FRY: variants seen among roughly 807,000 people sequenced by gnomAD.
FRY encodes FRY microtubule binding protein.
In FRY, 128 loss-of-function variants were observed where a neutral mutation model predicts 348.4. The ratio of observed to expected loss-of-function variants is 0.37; its 90% CI spans 0.32 to 0.43. The LOEUF is 0.43. Among genes scored for constraint, FRY ranks in the 20% least tolerant of loss-of-function variants. The pLI, the probability that FRY is intolerant of heterozygous loss-of-function variation, is 1.00. For missense variants in FRY, 2,736 were observed against 3,695.2 expected, an observed-to-expected ratio of 0.74 and a Z score of 6.73; for synonymous variants, 1,370 against 1,374.7, an observed-to-expected ratio of 1.00 and a Z score of 0.08.
In FRY at chr13:32,261,687, G is replaced by A. The variant is rs200280104; in HGVS notation, c.7488G>A (p.Met2496Ile). 3.1e-5 allele frequency: 50 copies of A among 1,614,010 alleles called. No individual in the cohort carries two copies. The African/African-American group carries it at 4.8e-4, about 16-fold the overall frequency. ...TGGACAGCCTGGATAAGTGTGATAT[G>A]CAGATTCTGGAGGAGCGCCAACTGT... ...RSLDSLDKCD[M>I]QILEERQLSG... Residue 2496 changes from methionine (M) to isoleucine (I), a missense_variant, in exon 52 of 61, where the codon ATG becomes ATA. Met to Ile is a conservative substitution (Grantham distance 10). This residue lies in a region of FRY where 789 missense variants were observed against 996.2 expected (regional missense o/e 0.79). Transcript: ENST00000542859.
At chr13:32,032,345 G>C (rs1872283239) in intron 1 of FRY, among the ~76,000 whole-genome samples, 1 of 152,176 alleles carries the variant, frequency 6.6e-6, no homozygotes, top group South Asian at 2.1e-4. Context: ...TCTGAAGAAA[G>C]AAAAGTATTT....
chr13:32,207,694 G>A (rs900656149), intron 31 of FRY, among the ~76,000 whole-genome samples: 2 of 152,136 alleles, frequency 1.3e-5, no homozygotes, highest in African/African-American at 2.4e-5. Flanking sequence ...TGATTATTGT[G>A]ATATAACATT....
intron 38 of FRY, among the ~76,000 whole-genome samples, chr13:32,225,505 G>A (rs1029254118): frequency 1.3e-5 from 2 of 152,154 alleles, no homozygotes; most frequent in Non-Finnish European, 2.9e-5. Flanking sequence ...GGATATCCAA[G>A]GAGGAGAACA....
chr13:32,084,421 T>A (rs1037289778), intron 2 of FRY, among the ~76,000 whole-genome samples: 3 of 152,174 alleles, frequency 2.0e-5, no homozygotes, highest in East Asian at 1.9e-4. Context: ...TCTGCCACCA[T>A]GCGTTTATGC....
In FRY at chr13:32,251,759, T is replaced by C. The variant is rs889801646; in HGVS notation, c.7171-119T>C. ...TCTTTTTTCATACTTTTGTGTATTT[T>C]ACATTTCATTCTGTCTATACGTTAA... On this transcript the variant is annotated intron_variant, in intron 49 of 60. Transcript: ENST00000542859. 3 of 739,580 alleles carry C rather than the reference T, an allele frequency of 4.1e-6. No individual in the cohort carries two copies. In the African/African-American group the frequency reaches 5.2e-5, roughly 13 times the overall value. The allele number at this position is 739,580 out of a possible 1,614,324, so 45.8% of individuals were successfully genotyped here.
intron 18 of FRY, 34 bp downstream of exon 18, chr13:32,171,304 C>CT (rs71071026): frequency 0.022 from 11,534 of 527,078 alleles, 87 homozygotes; most frequent in African/African-American, 0.05. Context: ...AATTTATATT[C>CT]TTTTTTTTTT....
At chr13:32,227,471 T>C (rs1332567996) in intron 39 of FRY, among the ~76,000 whole-genome samples, 1 of 152,192 alleles carries the variant, frequency 6.6e-6, no homozygotes, top group Admixed American at 6.6e-5. Context: ...CAGCACTACA[T>C]ACTTTTTATG....
intron 35 of FRY, among the ~76,000 whole-genome samples, chr13:32,217,612 T>TGA (rs1429836387): frequency 6.6e-6 from 1 of 152,196 alleles, no homozygotes; most frequent in East Asian, 1.9e-4. Context: ...ACAGAGCCAG[T>TGA]GAGAGAGAGC....
At chr13:32,130,054 CTT>C (rs746424659) in intron 7 of FRY, among the ~76,000 whole-genome samples, 181 of 127,962 alleles carry the variant, frequency 1.4e-3, no homozygotes, top group African/African-American at 4.7e-3. Context: ...CTCCCCCAGC[CTT>C]TTTTTTTTTT....
rs112628448 is a variant in FRY, at chr13:32,039,259, C to T, written c.70+7394C>T. Among the ~76,000 whole-genome samples, 1,129 of 152,212 alleles carry T rather than the reference C, an allele frequency of 7.4e-3. 14 individuals carry two copies. The highest frequency in any genetic ancestry group is 0.026 in the African/African-American group (1,066 of 41,514). Reference sequence around the variant, plus strand: ...AAGCTATTTACCCTGGAACACTTGACCAGATTTCAGAATATGGGGCAGCAA... The same window carrying T: ...AAGCTATTTACCCTGGAACACTTGATCAGATTTCAGAATATGGGGCAGCAA... On this transcript the variant is annotated intron_variant, in intron 1 of 60. Transcript: ENST00000542859.
intron 17 of FRY, among the ~76,000 whole-genome samples, chr13:32,165,737 A>G (rs1881697256): frequency 6.6e-6 from 1 of 152,152 alleles, no homozygotes; most frequent in South Asian, 2.1e-4. Flanking sequence ...TCTTTCATGT[A>G]TCTCTGTACA....
chr13:32,290,950 G>A (rs973823975), intron 59 of FRY, among the ~76,000 whole-genome samples: 10 of 152,150 alleles, frequency 6.6e-5, no homozygotes, highest in Non-Finnish European at 5.9e-5. Context: ...GCTGTGTCCA[G>A]ACAGTCAAGC....
At chr13:32,214,242 C>T (rs1442607403) in intron 35 of FRY, among the ~76,000 whole-genome samples, 1 of 152,120 alleles carries the variant, frequency 6.6e-6, no homozygotes, top group Non-Finnish European at 1.5e-5. Context: ...TCCTTGTAAT[C>T]CCTGTCATGT....
At chr13:32,148,777 G>A (rs1880615392) in intron 13 of FRY, among the ~76,000 whole-genome samples, 1 of 152,176 alleles carries the variant, frequency 6.6e-6, no homozygotes, top group Non-Finnish European at 1.5e-5. Flanking sequence ...AAGTACAGTT[G>A]ATACTGATAT....
intron 47 of FRY, among the ~76,000 whole-genome samples, chr13:32,247,022 C>CT (rs1262488751): frequency 4.0e-5 from 6 of 148,574 alleles, no homozygotes; most frequent in African/African-American, 4.9e-5. Flanking sequence ...GCATTGGGAG[C>CT]TTTTTTTTTT....
chr13:32,056,313 T>C (rs1175674948), intron 1 of FRY, among the ~76,000 whole-genome samples: 1 of 152,090 alleles, frequency 6.6e-6, no homozygotes, highest in Admixed American at 6.5e-5. Context: ...ATACACCTGG[T>C]TAGTAGAATG....
At chr13:32,224,536 AT>A in intron 37 of FRY, 151 bp downstream of exon 37, 1 of 723,580 alleles carries the variant, frequency 1.4e-6, no homozygotes. Flanking sequence ...CTTCCAGCAT[AT>A]TAGCAGAGTT....
In FRY at chr13:32,297,456, T is replaced by C. The variant is rs1332893149; in HGVS notation, c.*1996T>C. 1.3e-5 allele frequency: 2 copies of C among 152,044 alleles called. No individual in the cohort carries two copies. The highest frequency in any genetic ancestry group is 4.8e-5 in the African/African-American group (2 of 41,394). 9.4% of individuals were successfully genotyped at this position (152,044 alleles called of 1,614,324 possible). The stretch of plus-strand genomic sequence containing the variant: ...ATGAACTGAGTTTTCTACCATGGCT[T>C]CTTACCCAGCAGAGAACCACCGTGA... On this transcript the variant is annotated 3_prime_UTR_variant, in exon 61 of 61. Transcript: ENST00000542859.
At position 32,076,531 on chromosome 13, in the gene FRY, T is replaced by C. The variant is rs150730094; in HGVS notation, c.71-2303T>C. On this transcript the variant is annotated intron_variant, in intron 1 of 60. Coordinates refer to ENST00000542859, the MANE Select transcript of FRY (RefSeq NM_023037.3). ...ATCACTTGATTTTCAATATGCCCCT[T>C]TGGAATAAATAGTGCCTTTTAGTGA... is the stretch of plus-strand genomic sequence containing the variant. Among the ~76,000 whole-genome samples the C allele has an allele frequency of 9.9e-5, 15 of 152,272 alleles. No individual in the cohort carries two copies. In the East Asian group the frequency reaches 2.7e-3, roughly 27 times the overall value.
Sources: allele counts gnomAD v4.1 joint callset (sites outside exome capture counted in the v4.1 genomes callset), GRCh38; gene constraint gnomAD v4.1.1; regional missense constraint gnomAD v4.1.1; transcripts MANE v1.5; gene names NCBI Gene and HGNC (gene_info 2026-07-23, HGNC 2026-07-21).